HECW1: variants seen among roughly 807,000 people sequenced by gnomAD.
HECW1 encodes HECT, C2 and WW domain containing E3 ubiquitin protein ligase 1, also known as E3 ubiquitin-protein ligase HECW1.
HECW1 carries 61 observed loss-of-function variants against 182.3 expected under a neutral mutation model. The ratio of observed to expected loss-of-function variants is 0.33; its 90% CI spans 0.27 to 0.41. The LOEUF is 0.41. Ranked by LOEUF, HECW1 falls within the 10% of genes least tolerant of loss-of-function variation. The pLI, the probability that HECW1 is intolerant of heterozygous loss-of-function variation, is 1.00. For missense variants in HECW1, 1,739 were observed against 2,108.9 expected (o/e 0.82, Z 3.44); for synonymous variants, 859 against 832.6 (o/e 1.03, Z -0.55).
At chr7:43,119,440 G>T (rs118124025) in intron 2 of HECW1, among the ~76,000 whole-genome samples, 1 of 152,102 alleles carries the variant, frequency 6.6e-6, no homozygotes, top group Non-Finnish European at 1.5e-5. Flanking sequence ...TTTTTATCCC[G>T]ATTGATCTCA....
chr7:43,288,218 A>G (rs1043476891), intron 3 of HECW1, among the ~76,000 whole-genome samples: 3 of 152,150 alleles, frequency 2.0e-5, no homozygotes, highest in Non-Finnish European at 4.4e-5. Context: ...AGAGGAGGGG[A>G]ATTAGCTGGA....
chr7:43,538,383 A>T (rs2081253128), intron 24 of HECW1, among the ~76,000 whole-genome samples: 1 of 152,226 alleles, frequency 6.6e-6, no homozygotes, highest in Non-Finnish European at 1.5e-5. Context: ...AGATTACCTG[A>T]ACCAAAATAT....
Position 43,396,589 on chromosome 7 carries a change from CCA to C in HECW1, c.556-224_556-223del, listed in dbSNP as rs893116602. The C allele has an allele frequency of 8.9e-6, 4 of 450,350 alleles. No individual in the cohort carries two copies. The Admixed American group carries it at 1.1e-4, about 13-fold the overall frequency. The allele number at this position is 450,350 out of a possible 1,614,324, so 27.9% of individuals were successfully genotyped here. A position where few individuals can be genotyped will look rare whatever the true frequency, so the allele number is the denominator to read the frequency against. ...TTACAGTAATTGTGTTTGTTGATTT[CCA>C]TTTTCCTGAAAAGTACCCATCACCC... On this transcript the variant is annotated intron_variant, in intron 6 of 29. Transcript: ENST00000395891.
chr7:43,561,557 A>C (rs1315243861), intron 29 of HECW1, among the ~76,000 whole-genome samples: 1 of 152,230 alleles, frequency 6.6e-6, no homozygotes, highest in East Asian at 1.9e-4. Flanking sequence ...GTTTATAATC[A>C]GTTTGCTAGT....
At chr7:43,336,679 A>G (rs1021900589) in intron 5 of HECW1, among the ~76,000 whole-genome samples, 2 of 152,070 alleles carry the variant, frequency 1.3e-5, no homozygotes, top group Non-Finnish European at 2.9e-5. Flanking sequence ...TCAATAAGTA[A>G]TTTTTCAACC....
chr7:43,355,964 GGCAACAGA>G (rs1413177688), intron 5 of HECW1, among the ~76,000 whole-genome samples: 1 of 151,854 alleles, frequency 6.6e-6, no homozygotes, highest in African/African-American at 2.4e-5. Context: ...ATTCTAGCCT[GGCAACAGA>G]GCAAGACTCC....
intron 13 of HECW1, among the ~76,000 whole-genome samples, chr7:43,458,971 A>C (rs536555509): frequency 6.6e-6 from 1 of 152,322 alleles, no homozygotes; most frequent in South Asian, 2.1e-4. Context: ...TCAATGTGTA[A>C]GCTTGTGTGG....
chr7:43,150,453 G>A (rs534686881), intron 2 of HECW1, among the ~76,000 whole-genome samples: 7 of 151,956 alleles, frequency 4.6e-5, no homozygotes, highest in African/African-American at 1.2e-4. Context: ...ATGTCAGCTC[G>A]GTGCAACCTC....
chr7:43,285,148 T>C (rs1302463088), intron 3 of HECW1, among the ~76,000 whole-genome samples: 49 of 152,166 alleles, frequency 3.2e-4, no homozygotes. Flanking sequence ...ACAATATTTA[T>C]AGACACAGTA....
intron 8 of HECW1, among the ~76,000 whole-genome samples, chr7:43,421,963 C>G (rs1338412272): frequency 1.3e-5 from 2 of 152,162 alleles, no homozygotes; most frequent in African/African-American, 4.8e-5. Flanking sequence ...TGATCCCTTG[C>G]TTTTGTCTTC....
intron 17 of HECW1, among the ~76,000 whole-genome samples, chr7:43,485,909 G>A (rs369374837): frequency 2.0e-5 from 3 of 151,994 alleles, no homozygotes; most frequent in African/African-American, 4.8e-5. Flanking sequence ...TTTACAATGC[G>A]CAGGTTTGTT....
rs573632023 is a variant in HECW1, at chr7:43,554,717, G to A, written c.4636G>A (p.Ala1546Thr). The change falls in exon 29 of 30, where the codon GCA (alanine) becomes ACA (threonine). Residue 1546 changes from alanine (A) to threonine (T), a missense_variant. This residue lies in a region of HECW1 where 420 missense variants were observed against 595.7 expected (regional missense o/e 0.71). Coordinates refer to ENST00000395891, the MANE Select transcript of HECW1 (RefSeq NM_015052.5). ...ATCCAGCGTGCCCTACGAAGGCTTC[G>A]CAGCCCTCCGTGGGAGCAATGGGCT... ...GTSSVPYEGF[A>T]ALRGSNGLRR... is the part of the protein sequence containing the mutation. 5.9e-5 allele frequency: 96 copies of A among 1,614,158 alleles called. No individual in the cohort carries two copies. Among genetic ancestry groups the A allele is most frequent in the East Asian group, 1.6e-4 (7 of 44,892 alleles).
At chr7:43,302,136 T>G (rs942997618) in intron 3 of HECW1, among the ~76,000 whole-genome samples, 1 of 152,028 alleles carries the variant, frequency 6.6e-6, no homozygotes, top group African/African-American at 2.4e-5. Context: ...CATCACCTAA[T>G]AGCAGGCAAA....
At position 43,463,809 on chromosome 7, in the gene HECW1, G is replaced by A. The variant is rs776805068; in HGVS notation, c.2791+10G>A. ...TCCCAGTCCAGCTTAGGTATTGGAG[G>A]AGGGGTCCCCACAACCTGTGATGGC... On this transcript the variant is annotated intron_variant, in intron 14 of 29. Coordinates refer to ENST00000395891, the MANE Select transcript of HECW1 (RefSeq NM_015052.5). The A allele has an allele frequency of 2.5e-6, 4 of 1,613,050 alleles. No homozygotes were observed. The highest frequency in any genetic ancestry group is 3.4e-6 in the Non-Finnish European group (4 of 1,179,528).
At chr7:43,543,400 C>T (rs2081432107) in intron 26 of HECW1, among the ~76,000 whole-genome samples, 1 of 152,264 alleles carries the variant, frequency 6.6e-6, no homozygotes, top group East Asian at 1.9e-4. Flanking sequence ...TAAAAACATG[C>T]CTCTGAAGAA....
chr7:43,488,348 AAGGAAGGAAGGAAGG>A (rs1299486256), intron 17 of HECW1, among the ~76,000 whole-genome samples: 2 of 93,238 alleles, frequency 2.1e-5, no homozygotes. Context: ...GGAAGGAAGG[AAGGAAGGAAGGAAGG>A]AAGGAAGGAA....
At chr7:43,557,053 A>G (rs1190055241) in intron 29 of HECW1, among the ~76,000 whole-genome samples, 1 of 151,140 alleles carries the variant, frequency 6.6e-6, no homozygotes, top group African/African-American at 2.4e-5. Flanking sequence ...CCCCTGTCCA[A>G]TCTCCTTTGG....
In HECW1 at chr7:43,474,265, T is replaced by C. The variant is rs551847508; in HGVS notation, c.3099+5160T>C. Among the ~76,000 whole-genome samples the C allele has an allele frequency of 2.4e-4, 37 of 152,194 alleles. No homozygotes were observed. The East Asian group carries it at 4.1e-3, about 17-fold the overall frequency. The stretch of plus-strand genomic sequence containing the variant: ...CAGATCGAGACCACCCTAGCTAACA[T>C]GGTGAAACCCCGTCTCTACTAAAAA... On this transcript the variant is annotated intron_variant, in intron 16 of 29. Transcript: ENST00000395891.
intron 5 of HECW1, among the ~76,000 whole-genome samples, chr7:43,338,167 T>C (rs1812531626): frequency 6.6e-6 from 1 of 152,150 alleles, no homozygotes; most frequent in Admixed American, 6.6e-5. Flanking sequence ...AGTGATGATA[T>C]TACTGCTGCT....
Sources: allele counts gnomAD v4.1 joint callset (sites outside exome capture counted in the v4.1 genomes callset), GRCh38; gene constraint gnomAD v4.1.1; regional missense constraint gnomAD v4.1.1; transcripts MANE v1.5; gene names NCBI Gene and HGNC (gene_info 2026-07-23, HGNC 2026-07-21).